The following NPAS2 variants were observed in gnomAD, a reference collection of about 807,000 sequenced individuals.
The protein encoded by NPAS2 is neuronal PAS domain-containing protein 2.
Under a neutral mutation model 107.5 loss-of-function variants are expected in NPAS2, and 23 were observed. The observed-to-expected ratio is 0.21, with a 90% confidence interval of 0.15 to 0.30. The LOEUF is 0.30. Among genes scored for constraint, NPAS2 ranks in the 10% least tolerant of loss-of-function variants. The pLI is 1.00. For missense variants in NPAS2, 756 were observed against 1,043.3 expected (o/e 0.72, Z 3.79); for synonymous variants, 403 against 417.5 (o/e 0.97, Z 0.42).
At chr2:100,856,035 T>G (rs1678534012) in intron 1 of NPAS2, among the ~76,000 whole-genome samples, 1 of 152,170 alleles carries the variant, frequency 6.6e-6, no homozygotes. Context: ...CATCTTCCAG[T>G]AATACATTTT....
chr2:100,956,004 A>G (rs1675546531), intron 7 of NPAS2, among the ~76,000 whole-genome samples: 1 of 152,092 alleles, frequency 6.6e-6, no homozygotes, highest in Non-Finnish European at 1.5e-5. Flanking sequence ...TCCTGGGCTC[A>G]AGAGATCCTC....
intron 7 of NPAS2, among the ~76,000 whole-genome samples, chr2:100,956,153 G>A (rs576795125): frequency 1.5e-4 from 23 of 152,064 alleles, no homozygotes; most frequent in Non-Finnish European, 3.1e-4. Flanking sequence ...CAATCCTCCC[G>A]CCTTGGCCTC....
intron 10 of NPAS2, among the ~76,000 whole-genome samples, chr2:100,967,073 C>CTCAA (rs11474212): frequency 0.19 from 28,543 of 151,846 alleles, 3,529 homozygotes; most frequent in East Asian, 0.47. Flanking sequence ...ATCAGGCCTA[C>CTCAA]TCAGAGTGTC....
chr2:100,923,624 C>G (rs916421527), intron 2 of NPAS2, among the ~76,000 whole-genome samples: 3 of 152,086 alleles, frequency 2.0e-5, no homozygotes, highest in Non-Finnish European at 4.4e-5. Flanking sequence ...GGATTTGCTC[C>G]CCTGAGAACC....
At position 100,968,378 on chromosome 2, in the gene NPAS2, T is replaced by C. The variant is rs1353187781; in HGVS notation, c.1005T>C (p.His335=). The change falls in exon 11 of 21, where the codon CAT becomes CAC. Residue 335 remains histidine (H), a synonymous_variant. Coordinates refer to ENST00000335681, the MANE Select transcript of NPAS2 (RefSeq NM_002518.4). This position sits in a 1 kb window ranked among gnomAD's most constrained non-coding sequence, Gnocchi z 5.3. ...AGACTCACTACTACATCACCTACCA[T>C]CAGTGGAACTCCAAGCCCGAGTTCA... ...WLQTHYYITY[H]QWNSKPEFIV... is the part of the protein sequence containing the mutation. 1 of 1,614,044 alleles carries C rather than the reference T, an allele frequency of 6.2e-7. No individual in the cohort carries two copies. The highest frequency in any genetic ancestry group is 1.1e-5 in the South Asian group (1 of 91,072).
At chr2:100,878,234 G>A (rs1680110084) in intron 1 of NPAS2, 11 of 985,348 alleles carry the variant, frequency 1.1e-5, no homozygotes, top group Non-Finnish European at 1.2e-5. Flanking sequence ...TGGGCAGAAG[G>A]CAAAAAAATA....
intron 10 of NPAS2, among the ~76,000 whole-genome samples, chr2:100,967,313 G>A (rs1047132297): frequency 2.4e-5 from 3 of 125,966 alleles, no homozygotes; most frequent in African/African-American, 3.0e-5. Flanking sequence ...TGCAAGCTCC[G>A]CCTCCCGGGT....
intron 1 of NPAS2, chr2:100,821,237 A>G: frequency 7.7e-7 from 1 of 1,292,572 alleles, no homozygotes; most frequent in Non-Finnish European, 1.0e-6. Flanking sequence ...TTCATAAATA[A>G]TTAGTAACTA....
intron 2 of NPAS2, among the ~76,000 whole-genome samples, chr2:100,905,214 T>C (rs1419703327): frequency 2.0e-5 from 3 of 152,112 alleles, no homozygotes; most frequent in African/African-American, 7.2e-5. Flanking sequence ...TGCCACACAG[T>C]GAGCATGCAG....
Position 100,937,651 on chromosome 2 carries a change from A to C in NPAS2, c.274-102A>C, listed in dbSNP as rs1052723444. On this transcript the variant is annotated intron_variant, in intron 4 of 20. Coordinates refer to ENST00000335681, the MANE Select transcript of NPAS2 (RefSeq NM_002518.4). ...TATTCATGGAAATATTCTGAGGATT[A>C]TAAAACAAAGCCAGTGTCCTAAAAT... The C allele has an allele frequency of 7.0e-6, 6 of 851,362 alleles. No individual in the cohort carries two copies. In the African/African-American group the frequency reaches 9.9e-5, roughly 14 times the overall value. 52.7% of individuals were successfully genotyped at this position (851,362 alleles called of 1,614,324 possible). A position where few individuals can be genotyped will look rare whatever the true frequency, so the allele number is the denominator to read the frequency against.
Position 100,907,047 on chromosome 2 carries a change from A to G in NPAS2, c.32+2261A>G, listed in dbSNP as rs148985812. On this transcript the variant is annotated intron_variant, in intron 2 of 20. Coordinates refer to ENST00000335681, the MANE Select transcript of NPAS2 (RefSeq NM_002518.4). ...ACTAGACAAAGAGCTGCATTCTGGC[A>G]TGACTAAGGAGTTCATAGGAGTTTT... 2.3e-3 allele frequency among the ~76,000 whole-genome samples: 346 copies of G among 152,272 alleles called. 3 individuals are homozygous for G. Among genetic ancestry groups the G allele is most frequent in the African/African-American group, 8.0e-3 (331 of 41,554 alleles).
At chr2:100,945,544 C>G (rs536863486) in intron 5 of NPAS2, among the ~76,000 whole-genome samples, 11 of 152,212 alleles carry the variant, frequency 7.2e-5, no homozygotes, top group Non-Finnish European at 1.2e-4. Flanking sequence ...TCTGCCACCC[C>G]CTTCCTTCAG....
intron 1 of NPAS2, among the ~76,000 whole-genome samples, chr2:100,846,446 T>A (rs1677782221): frequency 6.6e-6 from 1 of 152,232 alleles, no homozygotes; most frequent in Non-Finnish European, 1.5e-5. Flanking sequence ...TGTGTGTGTT[T>A]GTACGTTTAA....
In NPAS2 at chr2:100,934,460, A is replaced by G. The variant is rs549482399; in HGVS notation, c.273+1459A>G. On this transcript the variant is annotated intron_variant, in intron 4 of 20. Coordinates refer to ENST00000335681, the MANE Select transcript of NPAS2 (RefSeq NM_002518.4). ...GAATTTCTAGACAAGGAAGATTGAT[A>G]TTTGTATAGTCTTTATGCACTTTCC... 5.3e-5 allele frequency among the ~76,000 whole-genome samples: 8 copies of G among 152,340 alleles called. No individual in the cohort carries two copies. The South Asian group carries it at 1.7e-3, about 32-fold the overall frequency.
At chr2:100,930,746 C>A (rs574559757) in intron 3 of NPAS2, among the ~76,000 whole-genome samples, 2 of 152,280 alleles carry the variant, frequency 1.3e-5, no homozygotes, top group African/African-American at 4.8e-5. Context: ...AATACCCAGT[C>A]ATACAGAATG....
chr2:100,898,882 G>A (rs150251998), intron 1 of NPAS2, among the ~76,000 whole-genome samples: 97 of 151,886 alleles, frequency 6.4e-4, no homozygotes, highest in African/African-American at 2.2e-3. Context: ...TGAGTTTATC[G>A]CCACTTCAGT....
At chr2:100,847,376 T>C (rs1357519169) in intron 1 of NPAS2, among the ~76,000 whole-genome samples, 1 of 150,330 alleles carries the variant, frequency 6.7e-6, no homozygotes, top group African/African-American at 2.4e-5. Flanking sequence ...AAAAATGAAT[T>C]TTTTTTTTTT....
chr2:100,907,751 T>C (rs1682259713), intron 2 of NPAS2, among the ~76,000 whole-genome samples: 1 of 152,192 alleles, frequency 6.6e-6, no homozygotes, highest in Non-Finnish European at 1.5e-5. Flanking sequence ...ATTTGGGTTG[T>C]TTGATCAAGT....
At chr2:100,845,372 TTGC>T (rs1319882325) in intron 1 of NPAS2, among the ~76,000 whole-genome samples, 1 of 152,176 alleles carries the variant, frequency 6.6e-6, no homozygotes, top group Non-Finnish European at 1.5e-5. Flanking sequence ...CCTGTACAGG[TTGC>T]TGCAGGCTGG....
Sources: allele counts gnomAD v4.1 joint callset (sites outside exome capture counted in the v4.1 genomes callset), GRCh38; gene constraint gnomAD v4.1.1; non-coding constraint Gnocchi (gnomAD v3.1); transcripts MANE v1.5; gene names NCBI Gene and HGNC (gene_info 2026-07-23, HGNC 2026-07-21).